The following RIN3 variants were observed in gnomAD, a reference collection of about 807,000 sequenced individuals.
The protein encoded by RIN3 is RAB5 interacting protein 3.
In RIN3, 54 loss-of-function variants were observed where a neutral mutation model predicts 76.3. The ratio of observed to expected loss-of-function variants is 0.71; its 90% CI spans 0.57 to 0.89. The LOEUF is 0.89. Among genes scored for constraint, RIN3 ranks in the 40% least tolerant of loss-of-function variants. The probability of loss-of-function intolerance (pLI) is 0.00; values close to 1 mark genes in which losing one functional copy is unlikely to be tolerated. For synonymous variants in RIN3, 576 were observed against 564.0 expected (o/e 1.02, Z -0.30); for missense variants, 1,256 against 1,322.1 (o/e 0.95, Z 0.78).
At chr14:92,541,215 A>T (rs1897124853) in intron 1 of RIN3, among the ~76,000 whole-genome samples, 2 of 152,224 alleles carry the variant, frequency 1.3e-5, no homozygotes, top group Admixed American at 1.3e-4. Flanking sequence ...TACCCATCTC[A>T]TAAACCCTTG....
At chr14:92,647,131 G>T (rs1595480785) in intron 5 of RIN3, among the ~76,000 whole-genome samples, 1 of 152,134 alleles carries the variant, frequency 6.6e-6, no homozygotes, top group South Asian at 2.1e-4. Flanking sequence ...CCAAAGAGTT[G>T]CACCAGGCCT....
At chr14:92,582,395 G>A (rs1166389466) in intron 3 of RIN3, among the ~76,000 whole-genome samples, 2 of 150,110 alleles carry the variant, frequency 1.3e-5, no homozygotes, top group Non-Finnish European at 3.0e-5. Context: ...ATACACAGGT[G>A]TCATCCGTAA....
chr14:92,550,832 C>T lies in RIN3; in HGVS notation c.45-4919C>T, dbSNP rs1897403653. 2.0e-5 allele frequency among the ~76,000 whole-genome samples: 3 copies of T among 152,208 alleles called. No individual in the cohort carries two copies. In the South Asian group the frequency reaches 6.2e-4, roughly 32 times the overall value. ...AACCCAAGACTTCTAATACAGCAGG[C>T]AGGCTTCATCTGAAGGGGCCTTAAG... On this transcript the variant is annotated intron_variant, in intron 1 of 9. Transcript: ENST00000216487.
intron 3 of RIN3, among the ~76,000 whole-genome samples, chr14:92,604,051 C>T (rs1204449314): frequency 1.3e-5 from 2 of 152,248 alleles, no homozygotes; most frequent in Non-Finnish European, 2.9e-5. Context: ...TGCTGGGCAG[C>T]CGTGGACCCT....
intron 3 of RIN3, among the ~76,000 whole-genome samples, chr14:92,604,005 C>T (rs559381045): frequency 1.1e-3 from 161 of 152,378 alleles, no homozygotes; most frequent in Non-Finnish European, 2.0e-3. Context: ...CAGCCACAAA[C>T]TGGCCAAGTG....
At chr14:92,569,791 C>T (rs868346665) in intron 2 of RIN3, among the ~76,000 whole-genome samples, 3 of 152,038 alleles carry the variant, frequency 2.0e-5, no homozygotes, top group Non-Finnish European at 4.4e-5. Flanking sequence ...GGGCTAGGGG[C>T]ATCAAAATAG....
intron 3 of RIN3, among the ~76,000 whole-genome samples, chr14:92,602,504 G>C (rs1000198021): frequency 2.0e-5 from 3 of 152,214 alleles, no homozygotes; most frequent in African/African-American, 7.2e-5. Flanking sequence ...ACAGCCTTGG[G>C]CCAGTCACTT....
chr14:92,547,734 C>G (rs182956084), intron 1 of RIN3, among the ~76,000 whole-genome samples: 2 of 139,572 alleles, frequency 1.4e-5, no homozygotes, highest in African/African-American at 5.4e-5. Context: ...GACAGAGTCT[C>G]GCTGTGTCAC....
intron 1 of RIN3, among the ~76,000 whole-genome samples, chr14:92,536,379 T>C (rs1896999878): frequency 6.6e-6 from 1 of 152,226 alleles, no homozygotes; most frequent in Non-Finnish European, 1.5e-5. Context: ...TGATGTGTAA[T>C]GTTTATATCA....
intron 3 of RIN3, among the ~76,000 whole-genome samples, chr14:92,584,949 C>G (rs1017154949): frequency 3.3e-5 from 5 of 152,186 alleles, no homozygotes; most frequent in African/African-American, 1.2e-4. Context: ...GAGCCATTTA[C>G]CCCATGTTTC....
intron 7 of RIN3, among the ~76,000 whole-genome samples, chr14:92,675,081 G>A (rs980567124): frequency 6.6e-6 from 1 of 152,084 alleles, no homozygotes; most frequent in African/African-American, 2.4e-5. Flanking sequence ...AGAGCTAAGA[G>A]TTAGAAAAAT....
intron 1 of RIN3, chr14:92,515,315 G>A: frequency 1.4e-6 from 1 of 693,656 alleles, no homozygotes; most frequent in Non-Finnish European, 2.6e-6. Flanking sequence ...AGATGGCAGG[G>A]TGAAGCCGGA....
intron 3 of RIN3, among the ~76,000 whole-genome samples, chr14:92,588,834 C>A (rs1422039211): frequency 6.6e-6 from 1 of 152,164 alleles, no homozygotes; most frequent in Non-Finnish European, 1.5e-5. Context: ...GCAAGACTAA[C>A]ACCACCATAA....
At chr14:92,593,173 G>A (rs190287348) in intron 3 of RIN3, among the ~76,000 whole-genome samples, 33 of 152,096 alleles carry the variant, frequency 2.2e-4, no homozygotes, top group African/African-American at 7.2e-4. Flanking sequence ...TTAAAAAGAA[G>A]TATAATAAAG....
intron 6 of RIN3, among the ~76,000 whole-genome samples, chr14:92,654,184 CAT>C (rs1887576584): frequency 6.6e-6 from 1 of 151,986 alleles, no homozygotes; most frequent in African/African-American, 2.4e-5. Context: ...TGTGGTGGCG[CAT>C]GCCTATAATC....
At chr14:92,521,236 T>C (rs931010918) in intron 1 of RIN3, among the ~76,000 whole-genome samples, 2 of 151,488 alleles carry the variant, frequency 1.3e-5, no homozygotes, top group Admixed American at 1.3e-4. Flanking sequence ...TATCCATCCA[T>C]TTATCTATCC....
chr14:92,621,791 T>C (rs1886192726), intron 4 of RIN3, among the ~76,000 whole-genome samples: 1 of 152,192 alleles, frequency 6.6e-6, no homozygotes, highest in Non-Finnish European at 1.5e-5. Flanking sequence ...CATATAACAG[T>C]AAGTGTACAT....
At chr14:92,533,879 G>A (rs1177686107) in intron 1 of RIN3, among the ~76,000 whole-genome samples, 1 of 152,098 alleles carries the variant, frequency 6.6e-6, no homozygotes, top group Non-Finnish European at 1.5e-5. Flanking sequence ...TAAAAATTTT[G>A]TTTTAAAATG....
chr14:92,632,783 C>T (rs149362634), intron 4 of RIN3, among the ~76,000 whole-genome samples: 1 of 152,190 alleles, frequency 6.6e-6, no homozygotes, highest in African/African-American at 2.4e-5. Context: ...CAAGGAAGGG[C>T]GGGAAGGGAA....
Sources: allele counts gnomAD v4.1 joint callset (sites outside exome capture counted in the v4.1 genomes callset), GRCh38; gene constraint gnomAD v4.1.1; transcripts MANE v1.5; gene names NCBI Gene and HGNC (gene_info 2026-07-23, HGNC 2026-07-21).